Variants in SGCZ observed in about 807,000 individuals in gnomAD.
SGCZ encodes sarcoglycan zeta.
A neutral mutation model predicts 41.3 loss-of-function variants in SGCZ; 40 were observed. That is an observed-to-expected ratio of 0.97 (90% CI 0.75 to 1.26). The LOEUF is 1.26. SGCZ is among the 50% of genes most tolerant of loss of function. The pLI is 0.00. For missense variants in SGCZ, 552 were observed against 369.8 expected (o/e 1.49, Z -4.04); for synonymous variants, 206 against 137.5 (o/e 1.50, Z -3.49).
At chr8:14,177,805 T>C (rs1291812149) in intron 4 of SGCZ, among the ~76,000 whole-genome samples, 1 of 151,484 alleles carries the variant, frequency 6.6e-6, no homozygotes, top group Non-Finnish European at 1.5e-5. Flanking sequence ...ATTACAGGCG[T>C]GAGCCACTGC....
At chr8:14,429,234 T>C (rs1364744736) in intron 2 of SGCZ, among the ~76,000 whole-genome samples, 2 of 152,156 alleles carry the variant, frequency 1.3e-5, no homozygotes, top group African/African-American at 2.4e-5. Context: ...AAATGTAGCA[T>C]AGGTTCTGTT....
intron 1 of SGCZ, among the ~76,000 whole-genome samples, chr8:14,748,098 C>T (rs1356969686): frequency 1.3e-5 from 2 of 152,118 alleles, no homozygotes; most frequent in East Asian, 3.9e-4. Context: ...GAATCACATA[C>T]GCTTCTCAAA....
At chr8:14,827,996 G>A (rs760836991) in intron 1 of SGCZ, among the ~76,000 whole-genome samples, 22 of 152,196 alleles carry the variant, frequency 1.4e-4, no homozygotes, top group Admixed American at 2.6e-4. Flanking sequence ...AAATAAACTC[G>A]TACTACTTGT....
intron 4 of SGCZ, among the ~76,000 whole-genome samples, chr8:14,228,219 G>C (rs1031318151): frequency 4.6e-5 from 7 of 151,970 alleles, no homozygotes; most frequent in African/African-American, 1.7e-4. Context: ...ATTATATATG[G>C]AACTCCAATG....
At chr8:15,100,623 G>A (rs1288979091) in intron 1 of SGCZ, among the ~76,000 whole-genome samples, 1 of 152,244 alleles carries the variant, frequency 6.6e-6, no homozygotes, top group East Asian at 1.9e-4. Context: ...AAAGGTAAAA[G>A]ACTCAGAATA....
chr8:14,314,052 G>A (rs1483738415), intron 3 of SGCZ, among the ~76,000 whole-genome samples: 1 of 151,780 alleles, frequency 6.6e-6, no homozygotes, highest in African/African-American at 2.4e-5. Context: ...TCATTTTTTT[G>A]TAAGGCTTCA....
intron 1 of SGCZ, among the ~76,000 whole-genome samples, chr8:14,742,841 T>G (rs928432046): frequency 6.6e-6 from 1 of 152,088 alleles, no homozygotes; most frequent in African/African-American, 2.4e-5. Flanking sequence ...TTTACCTTTA[T>G]CACAATGTTG....
At chr8:14,994,603 G>A (rs1802148841) in intron 1 of SGCZ, among the ~76,000 whole-genome samples, 1 of 151,092 alleles carries the variant, frequency 6.6e-6, no homozygotes, top group South Asian at 2.1e-4. Flanking sequence ...AAAAAAAGAA[G>A]AAGAAAGGGT....
At chr8:14,732,849 CTT>C (rs1316171356) in intron 1 of SGCZ, among the ~76,000 whole-genome samples, 4 of 152,262 alleles carry the variant, frequency 2.6e-5, no homozygotes, top group South Asian at 4.2e-4. Flanking sequence ...ACCACATCGT[CTT>C]TTATACCAAC....
intron 1 of SGCZ, among the ~76,000 whole-genome samples, chr8:14,569,622 A>G (rs1042896060): frequency 8.5e-5 from 13 of 152,228 alleles, no homozygotes; most frequent in African/African-American, 2.7e-4. Flanking sequence ...CAGACAGTGA[A>G]GAAAACATAA....
At chr8:15,136,334 A>C (rs1445434854) in intron 1 of SGCZ, among the ~76,000 whole-genome samples, 2 of 152,066 alleles carry the variant, frequency 1.3e-5, no homozygotes, top group African/African-American at 4.8e-5. Flanking sequence ...ATGGCATTCT[A>C]GTGATAGGAG....
chr8:14,619,518 A>G (rs139009551), intron 1 of SGCZ, among the ~76,000 whole-genome samples: 14,386 of 152,188 alleles, frequency 0.095, 1,316 homozygotes, highest in East Asian at 0.52. Flanking sequence ...TCTGCAGATG[A>G]CATGACTGTA....
chr8:14,107,369 G>A (rs1223493926), intron 6 of SGCZ, among the ~76,000 whole-genome samples: 14 of 152,056 alleles, frequency 9.2e-5, no homozygotes, highest in Non-Finnish European at 1.5e-5. Flanking sequence ...CCTGGGTAGT[G>A]AGAGCTTTTA....
intron 3 of SGCZ, among the ~76,000 whole-genome samples, chr8:14,294,244 A>G (rs1280339888): frequency 2.0e-5 from 3 of 151,932 alleles, no homozygotes; most frequent in Admixed American, 1.3e-4. Context: ...ATTTATGTAT[A>G]TATTTATTTG....
intron 1 of SGCZ, among the ~76,000 whole-genome samples, chr8:14,767,148 GC>G (rs1353336125): frequency 6.6e-6 from 1 of 151,982 alleles, no homozygotes; most frequent in Admixed American, 6.6e-5. Context: ...GGCTTGCTTT[GC>G]CCAATGTGAT....
intron 1 of SGCZ, among the ~76,000 whole-genome samples, chr8:14,773,011 C>T (rs1800296795): frequency 6.6e-6 from 1 of 152,140 alleles, no homozygotes; most frequent in African/African-American, 2.4e-5. Flanking sequence ...ACACTGACTT[C>T]CACAATGGTT....
intron 1 of SGCZ, among the ~76,000 whole-genome samples, chr8:15,203,948 C>T (rs1203906917): frequency 6.6e-6 from 1 of 152,084 alleles, no homozygotes; most frequent in African/African-American, 2.4e-5. Context: ...TTTTAATAAA[C>T]TCCTTATGGG....
At chr8:14,360,168 A>G (rs1205775823) in intron 2 of SGCZ, among the ~76,000 whole-genome samples, 2 of 152,122 alleles carry the variant, frequency 1.3e-5, no homozygotes, top group Non-Finnish European at 2.9e-5. Context: ...ACTTAATGGA[A>G]AAAACTGGAA....
intron 1 of SGCZ, among the ~76,000 whole-genome samples, chr8:14,753,817 G>A (rs891534883): frequency 6.6e-6 from 1 of 152,186 alleles, no homozygotes; most frequent in Admixed American, 6.5e-5. Flanking sequence ...GGATGGAGAA[G>A]CCCAGGGTGG....
Sources: allele counts gnomAD v4.1 joint callset (sites outside exome capture counted in the v4.1 genomes callset), GRCh38; gene constraint gnomAD v4.1.1; transcripts MANE v1.5; gene names NCBI Gene and HGNC (gene_info 2026-07-23, HGNC 2026-07-21).